TRIM66: variants seen among roughly 807,000 people sequenced by gnomAD.
TRIM66 encodes the protein tripartite motif-containing protein 66.
A neutral mutation model predicts 148.2 loss-of-function variants in TRIM66; 99 were observed. The ratio of observed to expected loss-of-function variants is 0.67; its 90% CI spans 0.57 to 0.79. The LOEUF is 0.79. Ranked by LOEUF, TRIM66 falls within the 30% of genes least tolerant of loss-of-function variation. The probability of loss-of-function intolerance (pLI) is 0.00; values close to 1 mark genes in which losing one functional copy is unlikely to be tolerated. For synonymous variants in TRIM66, 616 were observed against 635.9 expected, an observed-to-expected ratio of 0.97 and a Z score of 0.47; for missense variants, 1,666 against 1,697.9, an observed-to-expected ratio of 0.98 and a Z score of 0.33.
At chr11:8,682,244 A>C (rs1273657765) in intron 1 of TRIM66, among the ~76,000 whole-genome samples, 1 of 152,246 alleles carries the variant, frequency 6.6e-6, no homozygotes, top group Non-Finnish European at 1.5e-5. Flanking sequence ...GAGCGGGAGA[A>C]GGCATTTCGG....
At chr11:8,666,795 C>T (rs1235511352) in intron 6 of TRIM66, among the ~76,000 whole-genome samples, 1 of 152,178 alleles carries the variant, frequency 6.6e-6, no homozygotes, top group Non-Finnish European at 1.5e-5. Context: ...GCAACAAATA[C>T]TATGATTCAG....
At chr11:8,667,612 T>G (rs2038680972) in intron 6 of TRIM66, among the ~76,000 whole-genome samples, 1 of 152,164 alleles carries the variant, frequency 6.6e-6, no homozygotes, top group African/African-American at 2.4e-5. Context: ...CTAGTTTCTA[T>G]CTCTACGAAG....
At chr11:8,651,954 C>T (rs2037395270) in intron 6 of TRIM66, 51 bp from the exon 7 acceptor site, 6 of 1,453,794 alleles carry the variant, frequency 4.1e-6, no homozygotes, top group Non-Finnish European at 4.7e-6. Flanking sequence ...CTGATTATAA[C>T]TAAGGCCTGG....
intron 3 of TRIM66, among the ~76,000 whole-genome samples, chr11:8,676,332 C>T (rs1282892315): frequency 6.6e-6 from 1 of 151,890 alleles, no homozygotes; most frequent in Non-Finnish European, 1.5e-5. Context: ...CATAACATTG[C>T]TTTGGCACCA....
At chr11:8,661,079 G>T (rs991077067) in intron 6 of TRIM66, among the ~76,000 whole-genome samples, 27 of 152,232 alleles carry the variant, frequency 1.8e-4, no homozygotes, top group African/African-American at 7.2e-5. Flanking sequence ...CAGGGTCAAA[G>T]CTAGAGGATT....
chr11:8,668,731 G>A (rs1370793248), intron 6 of TRIM66, among the ~76,000 whole-genome samples: 2 of 151,894 alleles, frequency 1.3e-5, no homozygotes, highest in African/African-American at 2.4e-5. Context: ...GATTACAGGC[G>A]CACGCTGCCA....
intron 6 of TRIM66, among the ~76,000 whole-genome samples, chr11:8,655,778 T>A (rs181449870): frequency 1.3e-5 from 2 of 150,554 alleles, no homozygotes; most frequent in East Asian, 3.9e-4. Context: ...TGAGACTCTG[T>A]CTCCAAAAAA....
At position 8,666,635 on chromosome 11, in the gene TRIM66, C is replaced by CA. The variant is rs544379680; in HGVS notation, c.340+5150dup. On this transcript the variant is annotated intron_variant, in intron 6 of 24. Coordinates refer to ENST00000646038, the MANE Select transcript of TRIM66 (RefSeq NM_001388022.1). ...ACCACCATTAACCCCATTTTACAGGCAAAAAAAACCTCTTGGGCAGAGAGA... is the reference window on the plus strand; with the variant it reads ...ACCACCATTAACCCCATTTTACAGGCAAAAAAAAACCTCTTGGGCAGAGAGA... Among the ~76,000 whole-genome samples, 325 of 151,688 alleles carry CA rather than the reference C, an allele frequency of 2.1e-3. 1 individual carries two copies. Among genetic ancestry groups the CA allele is most frequent in the Non-Finnish European group, 3.6e-3 (247 of 67,902 alleles).
chr11:8,664,150 A>G (rs947408649), intron 6 of TRIM66, among the ~76,000 whole-genome samples: 1 of 152,234 alleles, frequency 6.6e-6, no homozygotes, highest in African/African-American at 2.4e-5. Flanking sequence ...CACCAAAATG[A>G]TAACTATGTG....
intron 6 of TRIM66, among the ~76,000 whole-genome samples, chr11:8,666,744 A>T (rs114009276): frequency 0.015 from 2,355 of 152,284 alleles, 69 homozygotes; most frequent in African/African-American, 0.054. Context: ...ACTGACACCA[A>T]AGCTTTTGTT....
At chr11:8,627,039 T>C (rs546040506) in intron 15 of TRIM66, among the ~76,000 whole-genome samples, 1 of 152,354 alleles carries the variant, frequency 6.6e-6, no homozygotes, top group African/African-American at 2.4e-5. Context: ...CATTCTCTAG[T>C]CCAGACTAGG....
At chr11:8,643,507 T>C (rs2036584341) in intron 12 of TRIM66, among the ~76,000 whole-genome samples, 1 of 151,934 alleles carries the variant, frequency 6.6e-6, no homozygotes, top group African/African-American at 2.4e-5. Context: ...GCCCAGCTAA[T>C]TTTTTGTATT....
At chr11:8,647,903 G>A in intron 10 of TRIM66, 67 bp downstream of exon 10, 1 of 1,248,264 alleles carries the variant, frequency 8.0e-7, no homozygotes, top group Non-Finnish European at 1.1e-6. Flanking sequence ...TGACGGCCTG[G>A]TGTTGGAACC....
At chr11:8,649,657 A>T in intron 8 of TRIM66, 83 bp downstream of exon 8, 1 of 1,485,322 alleles carries the variant, frequency 6.7e-7, no homozygotes, top group East Asian at 2.5e-5. Flanking sequence ...AGAAAACAAG[A>T]TCGGAGAGCT....
In TRIM66 at chr11:8,662,376, A is replaced by C. The variant is rs778998426; in HGVS notation, c.340+9410T>G. On this transcript the variant is annotated intron_variant, in intron 6 of 24. Coordinates refer to ENST00000646038, the MANE Select transcript of TRIM66 (RefSeq NM_001388022.1). ...TGATTCTAAGGTTGTAGCATCTTGC[A>C]TCAGTTCCCCCTCTTTGGATATTCC... 1.1e-4 allele frequency among the ~76,000 whole-genome samples: 16 copies of C among 152,338 alleles called. No homozygotes were observed. In the South Asian group the frequency reaches 1.5e-3, roughly 14 times the overall value.
In TRIM66 at chr11:8,634,212, T is replaced by C. The variant is rs145233037; in HGVS notation, c.2310+4442A>G. Among the ~76,000 whole-genome samples the C allele has an allele frequency of 2.0e-5, 3 of 152,282 alleles. No individual in the cohort carries two copies. In the East Asian group the frequency reaches 5.8e-4, roughly 29 times the overall value. On this transcript the variant is annotated intron_variant, in intron 15 of 24. Transcript: ENST00000646038. ...AGACAATCTCGCTCTGTTGCCCAAGTTGGAGTGCAGTGGCGCAATCTCGGC... is the reference window on the plus strand; with the variant it reads ...AGACAATCTCGCTCTGTTGCCCAAGCTGGAGTGCAGTGGCGCAATCTCGGC...
At position 8,624,820 on chromosome 11, in the gene TRIM66, A is replaced by C. The variant is rs1255312169; in HGVS notation, c.2719T>G (p.Ser907Ala). 2 of 1,551,706 alleles carry C rather than the reference A, an allele frequency of 1.3e-6. No homozygotes were observed. Among genetic ancestry groups the C allele is most frequent in the Non-Finnish European group, 1.7e-6 (2 of 1,146,976 alleles). Residue 907 changes from serine to alanine, a missense_variant, in exon 16 of 25, where the codon TCT (serine) becomes GCT (alanine). By Grantham distance (99) the Ser-to-Ala change is moderately conservative. Coordinates refer to ENST00000646038, the MANE Select transcript of TRIM66 (RefSeq NM_001388022.1). ...GACCCAGTTTCTGGCTGCATGTCAG[A>C]AACTGGAGGGATGCTCTGCAGAGGA... is the stretch of plus-strand genomic sequence containing the variant. Reference protein sequence around the residue: ...TCPLQSIPPVSDMQPETGSSS... With the variant: ...TCPLQSIPPVADMQPETGSSS...
chr11:8,641,262 C>G, intron 13 of TRIM66, 110 bp from the exon 14 acceptor site: 2 of 1,025,434 alleles, frequency 2.0e-6, no homozygotes, highest in Non-Finnish European at 2.8e-6. Context: ...GTACCAGGAA[C>G]AGAGATTAAG....
intron 6 of TRIM66, among the ~76,000 whole-genome samples, chr11:8,654,008 A>G (rs1039252050): frequency 2.0e-5 from 3 of 152,158 alleles, no homozygotes; most frequent in African/African-American, 7.2e-5. Flanking sequence ...TGACCTCCTC[A>G]TCTACAGCAG....
Sources: allele counts gnomAD v4.1 joint callset (sites outside exome capture counted in the v4.1 genomes callset), GRCh38; gene constraint gnomAD v4.1.1; transcripts MANE v1.5; gene names NCBI Gene and HGNC (gene_info 2026-07-23, HGNC 2026-07-21).